Variants in RIN3 observed in about 807,000 individuals in gnomAD.
RIN3 encodes Ras and Rab interactor 3.
RIN3 carries 54 observed loss-of-function variants against 76.3 expected under a neutral mutation model. The ratio of observed to expected loss-of-function variants is 0.71; its 90% CI spans 0.57 to 0.89. RIN3 has a LOEUF of 0.89. RIN3 is among the 40% of genes least tolerant of loss of function. The pLI, the probability that RIN3 is intolerant of heterozygous loss-of-function variation, is 0.00. For missense variants in RIN3, 1,256 were observed against 1,322.1 expected (o/e 0.95, Z 0.78); for synonymous variants, 576 against 564.0 (o/e 1.02, Z -0.30).
Position 92,659,334 on chromosome 14 carries a change from C to T in RIN3, c.2200C>T (p.Pro734Ser). The T allele has an allele frequency of 6.2e-7, 1 of 1,611,920 alleles. No individual in the cohort carries two copies. The change falls in exon 7 of 10, where the codon CCG becomes TCG. Residue 734 changes from proline to serine, a missense_variant. This residue lies in a region of RIN3 where 428 missense variants were observed against 521.2 expected (regional missense o/e 0.82). Coordinates refer to ENST00000216487, the MANE Select transcript of RIN3 (RefSeq NM_024832.5). ...TTDLGVTTSV[P>S]EVPMMEKILQ... is the part of the protein sequence containing the mutation. The stretch of plus-strand genomic sequence containing the variant: ...TGACCTAGGTGTGACCACCAGCGTG[C>T]CGGAGGTGCCCATGATGGAGAAGAT...
At chr14:92,633,058 G>A (rs1886647121) in intron 4 of RIN3, among the ~76,000 whole-genome samples, 1 of 152,176 alleles carries the variant, frequency 6.6e-6, no homozygotes, top group African/African-American at 2.4e-5. Flanking sequence ...ACCAGCAAGG[G>A]GCTGCTGCAG....
At position 92,688,235 on chromosome 14, in the gene RIN3, G is replaced by T. The variant is rs752487343; in HGVS notation, c.2941G>T (p.Glu981Ter). The T allele has an allele frequency of 2.5e-6, 4 of 1,592,650 alleles. No homozygotes were observed. The highest frequency in any genetic ancestry group is 1.3e-5 in the African/African-American group (1 of 74,558). ...GGSPPCLVVREPNFL is the reference protein window; with the variant it reads ...GGSPPCLVVR ...GAGCCCGCCCTGCCTGGTGGTGCGG[G>T]AGCCCAACTTCCTGTGAGGCCCTCC... The change falls in exon 10 of 10, where the codon GAG becomes TAG. Residue 981 changes from glutamate (E) to a stop codon, truncating the protein, a stop_gained. Coordinates refer to ENST00000216487, the MANE Select transcript of RIN3 (RefSeq NM_024832.5). LOFTEE classifies it high-confidence loss of function.
At chr14:92,630,742 C>A (rs1886545426) in intron 4 of RIN3, among the ~76,000 whole-genome samples, 1 of 152,192 alleles carries the variant, frequency 6.6e-6, no homozygotes, top group Non-Finnish European at 1.5e-5. Context: ...CCTGGCATCA[C>A]TGTATTTTGA....
At chr14:92,611,757 C>T (rs1479925822) in intron 3 of RIN3, among the ~76,000 whole-genome samples, 3 of 152,112 alleles carry the variant, frequency 2.0e-5, no homozygotes, top group Non-Finnish European at 4.4e-5. Flanking sequence ...CAGGTGGGTA[C>T]TTTACTACCC....
At chr14:92,591,893 A>G (rs898805724) in intron 3 of RIN3, among the ~76,000 whole-genome samples, 1 of 152,250 alleles carries the variant, frequency 6.6e-6, no homozygotes, top group Non-Finnish European at 1.5e-5. Context: ...AAAGAAAGGA[A>G]GAGCATCAGA....
chr14:92,593,821 T>C (rs1228681665), intron 3 of RIN3, among the ~76,000 whole-genome samples: 1 of 152,224 alleles, frequency 6.6e-6, no homozygotes, highest in Non-Finnish European at 1.5e-5. Flanking sequence ...CAGTCCTTTA[T>C]GTGTGTGTGC....
At chr14:92,522,488 C>G (rs1046510252) in intron 1 of RIN3, among the ~76,000 whole-genome samples, 1 of 152,180 alleles carries the variant, frequency 6.6e-6, no homozygotes, top group East Asian at 1.9e-4. Flanking sequence ...CTGAGTGTTA[C>G]CTCTGGTACA....
At position 92,681,222 on chromosome 14, in the gene RIN3, G is replaced by A. The variant is rs1315706780; in HGVS notation, c.2468-3765G>A. On this transcript the variant is annotated intron_variant, in intron 8 of 9. Coordinates refer to ENST00000216487, the MANE Select transcript of RIN3 (RefSeq NM_024832.5). This position sits in a 1 kb window ranked among gnomAD's most constrained non-coding sequence, Gnocchi z 4.7. ...GCCCCAGAGAGAAAAGCCTGCTCCAGAACTCACGGTAGGGCCGCCTGCCAC... is the reference window on the plus strand; with the variant it reads ...GCCCCAGAGAGAAAAGCCTGCTCCAAAACTCACGGTAGGGCCGCCTGCCAC... 6.6e-6 allele frequency among the ~76,000 whole-genome samples: 1 copy of A among 152,182 alleles called. No homozygotes were observed. Among genetic ancestry groups the A allele is most frequent in the Admixed American group, 6.5e-5 (1 of 15,276 alleles).
In RIN3 at chr14:92,523,782, C is replaced by T. The variant is rs558895851; in HGVS notation, c.44+9806C>T. 1.6e-4 allele frequency among the ~76,000 whole-genome samples: 24 copies of T among 152,370 alleles called. No homozygotes were observed. The South Asian group carries it at 4.3e-3, about 28-fold the overall frequency. On this transcript the variant is annotated intron_variant, in intron 1 of 9. Coordinates refer to ENST00000216487, the MANE Select transcript of RIN3 (RefSeq NM_024832.5). ...GGTTTGCTGCTCAAGGCAGCCATGCCTCTTCCCCCAGCCTCAGTTCTGTGC... is the reference window on the plus strand; with the variant it reads ...GGTTTGCTGCTCAAGGCAGCCATGCTTCTTCCCCCAGCCTCAGTTCTGTGC...
intron 2 of RIN3, among the ~76,000 whole-genome samples, chr14:92,558,487 TTA>T (rs1216594699): frequency 6.6e-6 from 1 of 152,254 alleles, no homozygotes; most frequent in Non-Finnish European, 1.5e-5. Context: ...AACTCTGCCA[TTA>T]TACCCATTTC....
chr14:92,629,543 G>A (rs918120492), intron 4 of RIN3, among the ~76,000 whole-genome samples: 3 of 152,172 alleles, frequency 2.0e-5, no homozygotes, highest in African/African-American at 7.2e-5. Context: ...CTTGGCCTGC[G>A]CCCTATGGAG....
At chr14:92,672,660 A>G (rs909135106) in intron 7 of RIN3, among the ~76,000 whole-genome samples, 10 of 148,512 alleles carry the variant, frequency 6.7e-5, no homozygotes, top group South Asian at 2.2e-4. Flanking sequence ...ATGTGTGTGC[A>G]TGTGTGTGTG....
intron 1 of RIN3, among the ~76,000 whole-genome samples, chr14:92,535,791 C>T (rs575811828): frequency 4.6e-5 from 7 of 151,376 alleles, no homozygotes; most frequent in Non-Finnish European, 8.8e-5. Flanking sequence ...TCTCCTGCCT[C>T]AGCCTCCTGA....
chr14:92,685,268 AG>A lies in RIN3; in HGVS notation c.2631+122del, dbSNP rs3215729. 1.4e-5 allele frequency: 16 copies of A among 1,138,148 alleles called. No homozygotes were observed. In the East Asian group the frequency reaches 3.4e-4, roughly 24 times the overall value. 70.5% of individuals were successfully genotyped at this position (1,138,148 alleles called of 1,614,324 possible). A position where few individuals can be genotyped will look rare whatever the true frequency, so the allele number is the denominator to read the frequency against. The stretch of plus-strand genomic sequence containing the variant: ...TGCTCCAGCCGCCCAGCCCTGCCTT[AG>A]GGGAGCAGTGAGACTCCCCACACCA... On this transcript the variant is annotated intron_variant, in intron 9 of 9. Coordinates refer to ENST00000216487, the MANE Select transcript of RIN3 (RefSeq NM_024832.5). This position sits in a 1 kb window ranked among gnomAD's most constrained non-coding sequence, Gnocchi z 4.7.
intron 1 of RIN3, among the ~76,000 whole-genome samples, chr14:92,519,904 G>A (rs192806004): frequency 2.6e-5 from 4 of 152,314 alleles, no homozygotes; most frequent in East Asian, 3.9e-4. Flanking sequence ...TGGTGTCAGC[G>A]TTTATACAAG....
At chr14:92,666,984 G>A (rs1003561124) in intron 7 of RIN3, among the ~76,000 whole-genome samples, 1 of 152,122 alleles carries the variant, frequency 6.6e-6, no homozygotes, top group Non-Finnish European at 1.5e-5. Flanking sequence ...GGACGTGGGG[G>A]CCAACCGGGT....
intron 5 of RIN3, 39 bp downstream of exon 5, chr14:92,641,368 G>T (rs561165032): frequency 2.0e-6 from 3 of 1,499,680 alleles, no homozygotes; most frequent in Non-Finnish European, 9.3e-7. Context: ...CTGGTGGGGC[G>T]TTAGGAACTG....
intron 6 of RIN3, among the ~76,000 whole-genome samples, chr14:92,658,892 C>G (rs940246886): frequency 1.3e-5 from 2 of 152,200 alleles, no homozygotes; most frequent in African/African-American, 2.4e-5. Flanking sequence ...AAAGTTTGCT[C>G]TCTGCCAGGC....
In RIN3 at chr14:92,641,325, T is replaced by G. The variant is rs1194615179; in HGVS notation, c.528T>G (p.Gly176=). The change falls in exon 5 of 10, where the codon GGT becomes GGG. Residue 176 remains glycine, a synonymous_variant. Transcript: ENST00000216487. ...ACCTTGAGACCATCGCCAACCTGGG[T>G]CTGGGTGAGTCTTCTCCGAGGGGTT... The part of the protein sequence containing the change: ...FTDLETIANL[G]LGFWDSSLNP... 2 of 1,612,490 alleles carry G rather than the reference T, an allele frequency of 1.2e-6. No individual in the cohort carries two copies. The highest frequency in any genetic ancestry group is 1.7e-6 in the Non-Finnish European group (2 of 1,178,638).
Sources: allele counts gnomAD v4.1 joint callset (sites outside exome capture counted in the v4.1 genomes callset), GRCh38; gene constraint gnomAD v4.1.1; regional missense constraint gnomAD v4.1.1; non-coding constraint Gnocchi (gnomAD v3.1); transcripts MANE v1.5; gene names NCBI Gene and HGNC (gene_info 2026-07-23, HGNC 2026-07-21).